Variants in SGCD observed in about 807,000 individuals in gnomAD.
SGCD encodes the protein sarcoglycan delta.
SGCD carries 18 observed loss-of-function variants against 36.6 expected under a neutral mutation model. The ratio of observed to expected loss-of-function variants is 0.49; its 90% CI spans 0.34 to 0.73. The LOEUF is 0.73. Ranked by LOEUF, SGCD falls within the 30% of genes least tolerant of loss-of-function variation. The probability of loss-of-function intolerance (pLI) is 0.01; values close to 1 mark genes in which losing one functional copy is unlikely to be tolerated. For missense variants in SGCD, 387 were observed against 346.7 expected (o/e 1.12, Z -0.92); for synonymous variants, 133 against 130.6 (o/e 1.02, Z -0.12).
At chr5:155,845,180 T>C in the SGCD span, among the ~76,000 whole-genome samples, 20 of 152,312 alleles carry the variant, frequency 1.3e-4, no homozygotes, top group African/African-American at 4.6e-4. Context: ...ATCTTATTTT[T>C]AAAATGGGTT....
At chr5:156,526,686 G>C (rs1424912772) in intron 4 of SGCD, among the ~76,000 whole-genome samples, 1 of 152,136 alleles carries the variant, frequency 6.6e-6, no homozygotes, top group Admixed American at 6.5e-5. Flanking sequence ...TTCCCCAAAT[G>C]TATCTGTTTT....
intron 4 of SGCD, among the ~76,000 whole-genome samples, chr5:156,564,297 A>C (rs1260303044): frequency 6.6e-6 from 1 of 152,060 alleles, no homozygotes; most frequent in African/African-American, 2.4e-5. Context: ...AAAATACAAA[A>C]AAATTAGCCG....
intron 7 of SGCD, among the ~76,000 whole-genome samples, chr5:156,733,269 A>G (rs1047811529): frequency 1.3e-5 from 2 of 152,108 alleles, no homozygotes; most frequent in Non-Finnish European, 2.9e-5. Context: ...ATAATTTCAA[A>G]GAACTTATTG....
chr5:156,741,413 C>T (rs752300423), intron 7 of SGCD, among the ~76,000 whole-genome samples: 26 of 152,136 alleles, frequency 1.7e-4, no homozygotes, highest in Non-Finnish European at 3.1e-4. Flanking sequence ...ATGAGACTTC[C>T]AAGTACAGCC....
In SGCD at chr5:156,767,743, G is replaced by A. The variant is rs1336522568; in HGVS notation, c.*8353G>A. The A allele has an allele frequency of 6.6e-6, 1 of 152,114 alleles. No homozygotes were observed. Among genetic ancestry groups the A allele is most frequent in the African/African-American group, 2.4e-5 (1 of 41,420 alleles). The allele number at this position is 152,114 out of a possible 1,614,324, so 9.4% of individuals were successfully genotyped here. On this transcript the variant is annotated 3_prime_UTR_variant, in exon 9 of 9. Transcript: ENST00000337851. ...TGTATTTAATATTATTTCGACCACA[G>A]TCTTGTAAAATATATTAATAAAAAT...
At chr5:156,504,392 G>GTGTATA (rs1413599402) in intron 3 of SGCD, among the ~76,000 whole-genome samples, 3 of 75,104 alleles carry the variant, frequency 4.0e-5, no homozygotes, top group East Asian at 3.3e-4. Flanking sequence ...GTGTGTGTGT[G>GTGTATA]TATATATATA....
rs539662145 is a variant in SGCD, at chr5:156,166,401, C to G, written c.-44+42382C>G. Among the ~76,000 whole-genome samples the G allele has an allele frequency of 1.3e-3, 199 of 152,146 alleles. 1 individual carries two copies. The highest frequency in any genetic ancestry group is 2.6e-3 in the Non-Finnish European group (174 of 68,006). ...GCACAATCTTGGCTTACTGCAAGCT[C>G]TGCCTCCTGGGTTCACGTCATTCTC... On this transcript the variant is annotated intron_variant, in intron 3 of 9. Coordinates refer to the SGCD transcript ENST00000517913.
intron 3 of SGCD, among the ~76,000 whole-genome samples, chr5:156,233,172 C>G (rs1369880357): frequency 6.6e-6 from 1 of 152,078 alleles, no homozygotes; most frequent in Non-Finnish European, 1.5e-5. Context: ...AAAATCCTAC[C>G]TAAGAAAAAT....
chr5:156,726,699 G>A (rs183815734), intron 7 of SGCD, among the ~76,000 whole-genome samples: 48 of 152,176 alleles, frequency 3.2e-4, no homozygotes, highest in Admixed American at 2.8e-3. Flanking sequence ...TGGGTTAGCC[G>A]CGCCAGGCCC....
At chr5:156,488,104 T>A (rs868079324) in intron 3 of SGCD, among the ~76,000 whole-genome samples, 4,446 of 126,284 alleles carry the variant, frequency 0.035, 273 homozygotes, top group African/African-American at 0.14. Flanking sequence ...ACAGGTTTTT[T>A]TTTTTTTTTT....
At chr5:156,071,255 C>G (rs1760552099) in intron 1 of SGCD, among the ~76,000 whole-genome samples, 1 of 152,176 alleles carries the variant, frequency 6.6e-6, no homozygotes, top group Non-Finnish European at 1.5e-5. Context: ...CCTGCTTTCT[C>G]TTGTGGGCAT....
intron 7 of SGCD, among the ~76,000 whole-genome samples, chr5:156,702,143 A>G (rs1042150733): frequency 6.6e-6 from 1 of 152,188 alleles, no homozygotes; most frequent in African/African-American, 2.4e-5. Context: ...CTCTGGGTCT[A>G]TATGCATTTA....
intron 4 of SGCD, among the ~76,000 whole-genome samples, chr5:156,586,358 A>T (rs747524721): frequency 1.1e-4 from 16 of 152,236 alleles, no homozygotes; most frequent in Non-Finnish European, 2.1e-4. Flanking sequence ...CATGCTATCA[A>T]CATGATATAC....
chr5:156,719,765 C>T (rs923279259), intron 7 of SGCD, among the ~76,000 whole-genome samples: 52 of 151,282 alleles, frequency 3.4e-4, no homozygotes, highest in African/African-American at 1.1e-3. Flanking sequence ...TAGAGGGAAC[C>T]AACAAGATGA....
intron 1 of SGCD, among the ~76,000 whole-genome samples, chr5:156,078,523 ATATATAT>A: frequency 8.3e-6 from 1 of 121,072 alleles, no homozygotes; most frequent in Non-Finnish European, 1.5e-5. Context: ...AAAAAAAAAT[ATATATAT>A]ATATATATTT....
chr5:155,784,540 T>G, the SGCD span, among the ~76,000 whole-genome samples: 1 of 152,040 alleles, frequency 6.6e-6, no homozygotes, highest in Admixed American at 6.6e-5. Context: ...GGAGAGACCA[T>G]TTAGAGGATG....
chr5:156,183,466 G>A (rs1168063536), intron 3 of SGCD, among the ~76,000 whole-genome samples: 3 of 152,044 alleles, frequency 2.0e-5, no homozygotes, highest in African/African-American at 7.3e-5. Flanking sequence ...GGATTGCAGT[G>A]GTACGATCTC....
upstream of SGCD, among the ~76,000 whole-genome samples, chr5:156,325,897 A>G (rs887248965): frequency 1.3e-5 from 2 of 152,112 alleles, no homozygotes; most frequent in Non-Finnish European, 2.9e-5. Context: ...TCCTGCTCAA[A>G]GTGCCCAGTG....
chr5:156,056,469 A>G (rs1760060857), intron 1 of SGCD, among the ~76,000 whole-genome samples: 1 of 143,956 alleles, frequency 6.9e-6, no homozygotes, highest in Non-Finnish European at 1.6e-5. Flanking sequence ...TCAGACCCCG[A>G]ATTCTGATGC....
Sources: allele counts gnomAD v4.1 joint callset (sites outside exome capture counted in the v4.1 genomes callset), GRCh38; gene constraint gnomAD v4.1.1; transcripts MANE v1.5; gene names NCBI Gene and HGNC (gene_info 2026-07-23, HGNC 2026-07-21).